The following BLTP1 variants were observed in gnomAD, a reference collection of about 807,000 sequenced individuals.
BLTP1 encodes fragile site-associated protein.
chr4:122,203,808 TTAGAAA>T, the BLTP1 span: 4 of 521,110 alleles, frequency 7.7e-6, no homozygotes, highest in African/African-American at 2.1e-5. Flanking sequence ...ACACGATTTA[TTAGAAA>T]TAGACTAATA....
At chr4:122,325,351 C>A in the BLTP1 span, 2 of 1,571,168 alleles carry the variant, frequency 1.3e-6, no homozygotes, top group Non-Finnish European at 1.7e-6. Flanking sequence ...TAGAGATATA[C>A]ATTGCTAAGT....
the BLTP1 span, chr4:122,162,775 G>C: frequency 4.2e-6 from 2 of 477,406 alleles, no homozygotes; most frequent in Non-Finnish European, 5.5e-6. Flanking sequence ...AAAGGATGAA[G>C]TAAAAATGTT....
chr4:122,315,700 C>T, the BLTP1 span: 9 of 1,612,464 alleles, frequency 5.6e-6, no homozygotes, highest in Admixed American at 3.3e-5. Context: ...TAAGTAAACT[C>T]ACTGTTAGAA....
At chr4:122,239,571 T>A in the BLTP1 span, 1 of 1,613,846 alleles carries the variant, frequency 6.2e-7, no homozygotes, top group Middle Eastern at 1.6e-4. Flanking sequence ...TCAGGATAAG[T>A]CAGTAGGTCA....
At chr4:122,337,741 A>T in the BLTP1 span, among the ~76,000 whole-genome samples, 1 of 151,598 alleles carries the variant, frequency 6.6e-6, no homozygotes, top group Non-Finnish European at 1.5e-5. Context: ...ACCTTTGTTC[A>T]AATTTTTGCT....
the BLTP1 span, chr4:122,271,795 T>C: frequency 9.9e-7 from 1 of 1,012,638 alleles, no homozygotes; most frequent in Non-Finnish European, 1.4e-6. Flanking sequence ...CAGAAGACTG[T>C]TCATCATGTT....
the BLTP1 span, among the ~76,000 whole-genome samples, chr4:122,275,248 C>T: frequency 6.6e-6 from 1 of 151,968 alleles, no homozygotes; most frequent in Non-Finnish European, 1.5e-5. Context: ...CCAGAAGCCT[C>T]ACCTAGATTA....
the BLTP1 span, chr4:122,263,578 A>C: frequency 3.1e-6 from 5 of 1,608,798 alleles, no homozygotes; most frequent in Non-Finnish European, 3.4e-6. Context: ...TTACAAAATC[A>C]GGACACAATA....
At chr4:122,247,156 A>G in the BLTP1 span, 2 of 1,602,554 alleles carry the variant, frequency 1.2e-6, no homozygotes, top group Non-Finnish European at 1.7e-6. Context: ...TTTTTCATAA[A>G]GAGGTGTGGT....
At chr4:122,305,580 A>G in the BLTP1 span, 83 of 983,752 alleles carry the variant, frequency 8.4e-5, no homozygotes, top group Non-Finnish European at 9.3e-5. Flanking sequence ...ATTTCTTGTC[A>G]TCTCTTAGAG....
At chr4:122,182,378 C>T in the BLTP1 span, among the ~76,000 whole-genome samples, 1 of 152,132 alleles carries the variant, frequency 6.6e-6, no homozygotes, top group Non-Finnish European at 1.5e-5. Context: ...TTGACTGTGC[C>T]TGCCAGGTGT....
chr4:122,282,849 C>T, the BLTP1 span, among the ~76,000 whole-genome samples: 11 of 151,968 alleles, frequency 7.2e-5, no homozygotes, highest in Admixed American at 2.0e-4. Context: ...GAGCTCCTTA[C>T]GAGTTTATAT....
At chr4:122,169,658 T>C in the BLTP1 span, 1 of 964,126 alleles carries the variant, frequency 1.0e-6, no homozygotes, top group Non-Finnish European at 1.2e-6. Context: ...CATCCTACTG[T>C]GTGTGCATAT....
chr4:122,231,323 A>G, the BLTP1 span, among the ~76,000 whole-genome samples: 4 of 152,326 alleles, frequency 2.6e-5, no homozygotes, highest in Middle Eastern at 3.4e-3. Context: ...GTGTTTTCTG[A>G]TAAGTGAAAG....
chr4:122,255,135 A>G, the BLTP1 span: 2 of 1,603,068 alleles, frequency 1.2e-6, no homozygotes, highest in African/African-American at 1.3e-5. Flanking sequence ...TTTTAGAATA[A>G]AAGTGTACAT....
the BLTP1 span, among the ~76,000 whole-genome samples, chr4:122,338,220 GGGTAGATCACTTGAGCCT>G: frequency 8.0e-4 from 122 of 151,994 alleles, 1 homozygote; most frequent in African/African-American, 2.4e-3. Context: ...AGGCTGAGGC[GGGTAGATCACTTGAGCCT>G]GGTAGATCAC....
chr4:122,212,274 G>A, the BLTP1 span, among the ~76,000 whole-genome samples: 3 of 152,158 alleles, frequency 2.0e-5, no homozygotes, highest in Non-Finnish European at 2.9e-5. Flanking sequence ...AAGGGAAAAT[G>A]TGGTTAATAT....
the BLTP1 span, among the ~76,000 whole-genome samples, chr4:122,154,578 G>T: frequency 6.2e-3 from 949 of 152,152 alleles, 9 homozygotes; most frequent in African/African-American, 0.022. Flanking sequence ...GTTTTAAGAA[G>T]AAATTGAGAA....
chr4:122,221,420 A>G, the BLTP1 span, among the ~76,000 whole-genome samples: 3 of 152,200 alleles, frequency 2.0e-5, no homozygotes, highest in African/African-American at 7.2e-5. Flanking sequence ...TGAAATAATT[A>G]TAGTTTCACA....
Sources: gnomAD v4.1 joint callset for allele counts (sites outside exome capture counted in the v4.1 genomes callset) on GRCh38, gnomAD v4.1.1 for gene constraint, MANE v1.5 for transcripts, NCBI Gene and HGNC (gene_info 2026-07-23, HGNC 2026-07-21) for gene names.